WWTR1: variants seen among roughly 807,000 people sequenced by gnomAD.
WWTR1 encodes the protein WW domain containing transcription regulator 1, also known as WW domain-containing transcription regulator protein 1.
In WWTR1, 13 loss-of-function variants were observed where a neutral mutation model predicts 40.1. The ratio of observed to expected loss-of-function variants is 0.32; its 90% confidence interval spans 0.21 to 0.52. The LOEUF is 0.52. Among genes scored for constraint, WWTR1 ranks in the 20% least tolerant of loss-of-function variants. WWTR1 has a pLI of 0.97. For missense variants in WWTR1, 436 were observed against 523.1 expected, an observed-to-expected ratio of 0.83 and a Z score of 1.63; for synonymous variants, 230 against 210.1, an observed-to-expected ratio of 1.09 and a Z score of -0.82.
chr3:149,724,215 C>A (rs181648924), exon 4 of WWTR1: 1 of 152,198 alleles, frequency 6.6e-6, no homozygotes. Flanking sequence ...AAATTTCAAA[C>A]CTAAACAAAA....
chr3:149,552,775 C>T (rs1736663734), intron 3 of WWTR1, among the ~76,000 whole-genome samples: 1 of 152,186 alleles, frequency 6.6e-6, no homozygotes. Context: ...GGTTCTCAAA[C>T]TTTTCTTTAG....
intron 6 of WWTR1, 131 bp downstream of exon 6, chr3:149,525,882 A>C: frequency 1.9e-6 from 1 of 531,936 alleles, no homozygotes; most frequent in East Asian, 3.3e-5. Flanking sequence ...AAACCTGCAC[A>C]TGTACCCCCA....
intron 3 of WWTR1, among the ~76,000 whole-genome samples, chr3:149,562,980 T>C (rs917783939): frequency 1.3e-5 from 2 of 152,072 alleles, no homozygotes; most frequent in African/African-American, 4.8e-5. Flanking sequence ...CTTATCAATT[T>C]GGAACAAGTG....
At chr3:149,711,815 C>T (rs1715485289) in intron 5 of WWTR1, among the ~76,000 whole-genome samples, 1 of 152,234 alleles carries the variant, frequency 6.6e-6, no homozygotes, top group Non-Finnish European at 1.5e-5. Context: ...CTCAAGCTCT[C>T]TTTAGAAAGC....
intron 2 of WWTR1, among the ~76,000 whole-genome samples, chr3:149,623,697 T>C (rs1380079119): frequency 2.6e-5 from 4 of 152,218 alleles, no homozygotes; most frequent in Admixed American, 2.6e-4. Context: ...GTGGAAATTA[T>C]GTAATTGCTT....
intron 1 of WWTR1, among the ~76,000 whole-genome samples, chr3:149,683,902 C>T (rs377743779): frequency 1.6e-4 from 24 of 152,112 alleles, no homozygotes; most frequent in African/African-American, 2.4e-4. Flanking sequence ...ACTGTGGGAG[C>T]AAGAGCCATT....
At chr3:149,690,426 G>T (rs2108212619) in intron 1 of WWTR1, among the ~76,000 whole-genome samples, 1 of 151,958 alleles carries the variant, frequency 6.6e-6, no homozygotes, top group Middle Eastern at 3.4e-3. Context: ...GATGGAAAAA[G>T]ACATTCCATG....
At chr3:149,607,605 C>A (rs560109418) in intron 2 of WWTR1, among the ~76,000 whole-genome samples, 3 of 152,336 alleles carry the variant, frequency 2.0e-5, no homozygotes, top group African/African-American at 7.2e-5. Context: ...TGAGCCACTG[C>A]ACCCAGCCTT....
rs771327704 is a variant in WWTR1, at chr3:149,657,002, G to A, written c.305C>T (p.Ala102Val). ...GTGCTGCTGCGCGGGGCTACCCGCA[G>A]CACCCGCGCCGGTGCCCAGCTGCAG... ...ASLQLGTGAG[A>V]AGSPAQQHAH... Residue 102 changes from alanine to valine, a missense_variant, in exon 2 of 7, where the codon GCT (alanine) becomes GTT (valine). Transcript: ENST00000360632. The A allele has an allele frequency of 6.9e-6, 11 of 1,597,664 alleles. No individual in the cohort carries two copies. The highest frequency in any genetic ancestry group is 3.3e-5 in the South Asian group (3 of 90,334).
At chr3:149,584,636 G>A (rs1428270270) in intron 2 of WWTR1, among the ~76,000 whole-genome samples, 3 of 152,122 alleles carry the variant, frequency 2.0e-5, no homozygotes, top group Non-Finnish European at 4.4e-5. Context: ...TAATTATCAG[G>A]AAACACAGCT....
intron 2 of WWTR1, among the ~76,000 whole-genome samples, chr3:149,590,099 C>G (rs1035423330): frequency 1.2e-4 from 19 of 152,114 alleles, no homozygotes; most frequent in African/African-American, 4.6e-4. Flanking sequence ...GAAAGTCCAC[C>G]ATATCTAGCA....
intron 2 of WWTR1, among the ~76,000 whole-genome samples, chr3:149,613,610 A>T (rs577580558): frequency 3.9e-4 from 59 of 152,254 alleles, no homozygotes; most frequent in African/African-American, 1.4e-3. Context: ...CACTGGCACA[A>T]TCTTGGCTCA....
At position 149,520,943 on chromosome 3, in the gene WWTR1, G is replaced by C; in HGVS notation, c.1065C>G (p.Thr355=). The part of the protein sequence containing the change: ...QTPMNINPQQ[T]RFPDFLDCLP... ...GACAGTCAAGGAAATCAGGGAAACGGGTCTGTTGGGGATTGATGTTCATGG... is the reference window on the plus strand; with the variant it reads ...GACAGTCAAGGAAATCAGGGAAACGCGTCTGTTGGGGATTGATGTTCATGG... Residue 355 remains threonine (T), a synonymous_variant, in exon 7 of 7, where the codon ACC becomes ACG. Transcript: ENST00000360632. 2 of 1,612,820 alleles carry C rather than the reference G, an allele frequency of 1.2e-6. No homozygotes were observed. The highest frequency in any genetic ancestry group is 1.7e-6 in the Non-Finnish European group (2 of 1,179,500).
Position 149,656,944 on chromosome 3 carries a change from G to T in WWTR1, c.363C>A (p.Thr121=). ...AHLRQQSYDV[T]DELPLPPGWE... ...AGCCCGGGGGCAGTGGCAGCTCGTC[G>T]GTCACGTCGTAGGACTGCTGGCGGA... Residue 121 remains threonine, a synonymous_variant, in exon 2 of 7, where the codon ACC becomes ACA. Coordinates refer to ENST00000360632, the MANE Select transcript of WWTR1 (RefSeq NM_015472.6). The T allele has an allele frequency of 6.3e-7, 1 of 1,577,702 alleles. No individual in the cohort carries two copies.
chr3:149,642,635 C>T (rs1403166042), intron 2 of WWTR1, among the ~76,000 whole-genome samples: 2 of 151,868 alleles, frequency 1.3e-5, no homozygotes, highest in South Asian at 2.1e-4. Context: ...ATTAGCCAGG[C>T]GTGGTTGCAA....
chr3:149,683,515 G>A (rs373700651), intron 1 of WWTR1, among the ~76,000 whole-genome samples: 3 of 152,088 alleles, frequency 2.0e-5, no homozygotes, highest in African/African-American at 7.2e-5. Flanking sequence ...CCAACATGGT[G>A]AAACCCCGTC....
intron 2 of WWTR1, among the ~76,000 whole-genome samples, chr3:149,631,848 C>A (rs1399072370): frequency 6.6e-6 from 1 of 152,172 alleles, no homozygotes; most frequent in East Asian, 1.9e-4. Flanking sequence ...GGGTGGTGAT[C>A]CTGGGCTCCA....
At chr3:149,555,779 A>G (rs1736801341) in intron 3 of WWTR1, among the ~76,000 whole-genome samples, 1 of 152,200 alleles carries the variant, frequency 6.6e-6, no homozygotes, top group African/African-American at 2.4e-5. Context: ...TAGGAAGTAG[A>G]GATACAATGA....
intron 4 of WWTR1, among the ~76,000 whole-genome samples, chr3:149,719,293 C>T (rs113568505): frequency 6.6e-5 from 10 of 152,086 alleles, no homozygotes; most frequent in African/African-American, 2.2e-4. Flanking sequence ...GCCTCAGCCT[C>T]CTGAGTAGCT....
Sources: gnomAD v4.1 joint callset for allele counts (sites outside exome capture counted in the v4.1 genomes callset) on GRCh38, gnomAD v4.1.1 for gene constraint, MANE v1.5 for transcripts, NCBI Gene and HGNC (gene_info 2026-07-23, HGNC 2026-07-21) for gene names.